ZFHX4: variants seen among roughly 807,000 people sequenced by gnomAD.
ZFHX4 encodes the protein zinc finger homeobox 4.
Under a neutral mutation model 267.6 loss-of-function variants are expected in ZFHX4, and 56 were observed. The observed-to-expected ratio is 0.21, with a 90% CI of 0.17 to 0.26. The LOEUF (loss-of-function observed/expected upper bound fraction) is 0.26. Among genes scored for constraint, ZFHX4 ranks in the 10% least tolerant of loss-of-function variants. ZFHX4 has a pLI of 1.00. For missense variants in ZFHX4, 4,332 were observed against 4,420.0 expected (o/e 0.98, Z 0.56); for synonymous variants, 1,778 against 1,665.6 (o/e 1.07, Z -1.64).
chr8:76,855,805 T>C lies in ZFHX4; in HGVS notation c.8884T>C (p.Leu2962=), dbSNP rs1175072725. 15 of 1,613,772 alleles carry C rather than the reference T, an allele frequency of 9.3e-6. No individual in the cohort carries two copies. In the East Asian group the frequency reaches 3.3e-4, roughly 36 times the overall value. ...TCCAACCATGCAAGAATGTGAAATG[T>C]TAGGGAATGAGATTGGTCTGCCCAA... ...RTPTMQECEM[L]GNEIGLPKRV... is the part of the protein sequence containing the mutation. The change falls in exon 10 of 11, where the codon TTA becomes CTA. Residue 2962 remains leucine, a synonymous_variant. Coordinates refer to ENST00000651372, the MANE Select transcript of ZFHX4 (RefSeq NM_024721.5).
At chr8:76,775,723 G>A (rs1810383910) in intron 3 of ZFHX4, among the ~76,000 whole-genome samples, 1 of 152,072 alleles carries the variant, frequency 6.6e-6, no homozygotes, top group African/African-American at 2.4e-5. Context: ...TTTTACGGAA[G>A]ATCAGATAAT....
At chr8:76,825,286 CTTA>C in intron 4 of ZFHX4, among the ~76,000 whole-genome samples, 1 of 152,314 alleles carries the variant, frequency 6.6e-6, no homozygotes, top group South Asian at 2.1e-4. Context: ...ATCCTGCAAA[CTTA>C]TTATTGTTTC....
intron 9 of ZFHX4, 115 bp downstream of exon 9, chr8:76,850,477 G>A: frequency 8.2e-6 from 7 of 851,880 alleles, no homozygotes; most frequent in Non-Finnish European, 1.2e-5. Flanking sequence ...GGGGAAAAAT[G>A]TATGCCATTT....
At chr8:76,718,356 A>G (rs1808631803) in intron 3 of ZFHX4, among the ~76,000 whole-genome samples, 1 of 152,196 alleles carries the variant, frequency 6.6e-6, no homozygotes. Flanking sequence ...CTATTCTTTA[A>G]ACAGAAATCC....
chr8:76,793,158 T>C (rs1810884162), intron 4 of ZFHX4, among the ~76,000 whole-genome samples: 1 of 152,136 alleles, frequency 6.6e-6, no homozygotes. Context: ...AAGCATGGAA[T>C]GAGGCATAGA....
At position 76,854,823 on chromosome 8, in the gene ZFHX4, G is replaced by A; in HGVS notation, c.7902G>A (p.Met2634Ile). 1 of 1,611,468 alleles carries A rather than the reference G, an allele frequency of 6.2e-7. No individual in the cohort carries two copies. Among genetic ancestry groups the A allele is most frequent in the East Asian group, 2.2e-5 (1 of 44,794 alleles). The change falls in exon 10 of 11, where the codon ATG becomes ATA. Residue 2634 changes from methionine to isoleucine, a missense_variant. By Grantham distance (10) the Met-to-Ile change is conservative. Around this residue, in one of 7 missense-constraint regions of ZFHX4, gnomAD observed 1,648 missense variants for 1,625.0 expected, o/e 1.01. Transcript: ENST00000651372. ...TGGATTCCAATCCTACCAGAAAAAT[G>A]CTTGATCATATTGCCCGCGAAGTCG... ...YLLDSNPTRK[M>I]LDHIAREVGL...
chr8:76,724,971 G>A lies in ZFHX4; in HGVS notation c.3093+16923G>A, dbSNP rs1488613846. On this transcript the variant is annotated intron_variant, in intron 3 of 10. Coordinates refer to ENST00000651372, the MANE Select transcript of ZFHX4 (RefSeq NM_024721.5). Reference sequence around the variant, plus strand: ...AGCAGCATATATTTTCTCTCTGTCTGTGTAGATTTGGATATAAGTGTGTGT... The same window carrying A: ...AGCAGCATATATTTTCTCTCTGTCTATGTAGATTTGGATATAAGTGTGTGT... Among the ~76,000 whole-genome samples, 4 of 152,052 alleles carry A rather than the reference G, an allele frequency of 2.6e-5. No homozygotes were observed. The East Asian group carries it at 7.7e-4, about 29-fold the overall frequency.
At position 76,866,726 on chromosome 8, in the gene ZFHX4, G is replaced by A. The variant is rs1563574613; in HGVS notation, c.*2161G>A. 2 of 151,588 alleles carry A rather than the reference G, an allele frequency of 1.3e-5. No individual in the cohort carries two copies. The highest frequency in any genetic ancestry group is 2.9e-5 in the Non-Finnish European group (2 of 67,852). 9.4% of individuals were successfully genotyped at this position (151,588 alleles called of 1,614,324 possible). ...ACAGAACGCTTTTCACAAAACAAAG[G>A]ACTGTTTTACAAATGATTATTCCGA... On this transcript the variant is annotated 3_prime_UTR_variant, in exon 11 of 11. Transcript: ENST00000651372.
chr8:76,812,608 T>A (rs1303225014), intron 4 of ZFHX4, among the ~76,000 whole-genome samples: 8 of 152,212 alleles, frequency 5.3e-5, no homozygotes, highest in Non-Finnish European at 1.0e-4. Context: ...ATATTTTTAC[T>A]TTTTATCCAT....
Position 76,863,705 on chromosome 8 carries a change from C to A in ZFHX4, c.9991C>A (p.Gln3331Lys), listed in dbSNP as rs1207228518. 6.4e-7 allele frequency: 1 copy of A among 1,569,040 alleles called. No individual in the cohort carries two copies. Among genetic ancestry groups the A allele is most frequent in the Non-Finnish European group, 8.6e-7 (1 of 1,156,564 alleles). The change falls in exon 11 of 11, where the codon CAA becomes AAA. Residue 3331 changes from glutamine (Q) to lysine (K), a missense_variant. This residue lies in a region of ZFHX4 where 1,648 missense variants were observed against 1,625.0 expected (regional missense o/e 1.01). Transcript: ENST00000651372. ...TCAGCAGAACCTGCAGGAGTCCCTG[C>A]AAAAGCAGCAAAAGCAACAGCAAGA... is the stretch of plus-strand genomic sequence containing the variant. ...QYQQNLQESL[Q>K]KQQKQQQEQQ...
chr8:76,694,830 T>G (rs1351825990), intron 1 of ZFHX4, among the ~76,000 whole-genome samples: 11 of 150,698 alleles, frequency 7.3e-5, no homozygotes, highest in Admixed American at 7.3e-4. Context: ...CGCAACACAT[T>G]ACATGAACCC....
At chr8:76,708,107 G>C in intron 3 of ZFHX4, 59 bp downstream of exon 3, 1 of 1,599,084 alleles carries the variant, frequency 6.3e-7, no homozygotes, top group Non-Finnish European at 8.5e-7. Flanking sequence ...AACTCTTTCA[G>C]AGCTTGGAGC....
rs186615062 is a variant in ZFHX4 at position 76,690,572 on chromosome 8, C to A, written c.-47+8952C>A. Reference sequence around the variant, plus strand: ...TAGTGCTTAGTAGTTTTTAAAATACCATAAATTTTGGAATAATGCAATTAA... The same window carrying A: ...TAGTGCTTAGTAGTTTTTAAAATACAATAAATTTTGGAATAATGCAATTAA... On this transcript the variant is annotated intron_variant, in intron 1 of 10. Coordinates refer to ENST00000651372, the MANE Select transcript of ZFHX4 (RefSeq NM_024721.5). 2.2e-3 allele frequency among the ~76,000 whole-genome samples: 338 copies of A among 151,854 alleles called. 9 individuals are homozygous for A. The East Asian group carries it at 0.059, about 26-fold the overall frequency.
intron 4 of ZFHX4, among the ~76,000 whole-genome samples, chr8:76,821,990 T>A (rs1033244604): frequency 6.6e-6 from 1 of 151,982 alleles, no homozygotes; most frequent in East Asian, 1.9e-4. Flanking sequence ...TCTATCTCTC[T>A]CTCTGTTTCT....
At chr8:76,781,698 A>G (rs1026738842) in intron 4 of ZFHX4, among the ~76,000 whole-genome samples, 4 of 152,074 alleles carry the variant, frequency 2.6e-5, no homozygotes, top group Non-Finnish European at 5.9e-5. Context: ...ATTTAAATGT[A>G]GGACTATAAA....
chr8:76,743,239 A>G (rs2131687824), intron 3 of ZFHX4, among the ~76,000 whole-genome samples: 1 of 152,284 alleles, frequency 6.6e-6, no homozygotes, highest in Middle Eastern at 3.4e-3. Context: ...ATCTCTTATG[A>G]GGTTCTAATC....
Position 76,706,131 on chromosome 8 carries a change from G to A in ZFHX4, c.2043G>A (p.Gln681=). The A allele has an allele frequency of 6.2e-7, 1 of 1,613,906 alleles. No homozygotes were observed. Among genetic ancestry groups the A allele is most frequent in the Non-Finnish European group, 8.5e-7 (1 of 1,179,914 alleles). Residue 681 remains glutamine, a synonymous_variant, in exon 2 of 11, where the codon CAG becomes CAA. Coordinates refer to ENST00000651372, the MANE Select transcript of ZFHX4 (RefSeq NM_024721.5). ...CTTGTGTTTATTGTAAGACTGGACAGCCTCACCCCAGGCTTGCCCGGGGTG... is the reference window on the plus strand; with the variant it reads ...CTTGTGTTTATTGTAAGACTGGACAACCTCACCCCAGGCTTGCCCGGGGTG... ...GGSCVYCKTG[Q]PHPRLARGES...
chr8:76,777,381 A>G (rs1810426410), intron 3 of ZFHX4, among the ~76,000 whole-genome samples: 1 of 152,132 alleles, frequency 6.6e-6, no homozygotes, highest in Non-Finnish European at 1.5e-5. Flanking sequence ...TTTTTAGCAA[A>G]AATTTGTTGT....
intron 4 of ZFHX4, among the ~76,000 whole-genome samples, chr8:76,786,751 A>G (rs1041486879): frequency 3.4e-4 from 52 of 152,212 alleles, no homozygotes; most frequent in African/African-American, 1.2e-3. Flanking sequence ...TTGTGTTCCC[A>G]TAAGTAGAAC....
Sources: gnomAD v4.1 joint callset for allele counts (sites outside exome capture counted in the v4.1 genomes callset) on GRCh38, gnomAD v4.1.1 for gene constraint, gnomAD v4.1.1 regional missense constraint, MANE v1.5 for transcripts, NCBI Gene and HGNC (gene_info 2026-07-23, HGNC 2026-07-21) for gene names.